Variants in CYP3A43 observed in about 807,000 individuals in gnomAD.
CYP3A43 encodes cytochrome P450 3A43.
Under a neutral mutation model 58.0 loss-of-function variants are expected in CYP3A43, and 45 were observed. The observed-to-expected ratio is 0.78, with a 90% CI of 0.61 to 0.99. The LOEUF (loss-of-function observed/expected upper bound fraction) is 0.99. Among genes scored for constraint, CYP3A43 ranks in the 50% least tolerant of loss-of-function variants. The pLI is 0.00. For missense variants in CYP3A43, 593 were observed against 591.9 expected (o/e 1.00, Z -0.02); for synonymous variants, 191 against 201.4 (o/e 0.95, Z 0.44).
At chr7:99,834,402 C>T (rs1816979307) in intron 1 of CYP3A43, among the ~76,000 whole-genome samples, 2 of 152,094 alleles carry the variant, frequency 1.3e-5, no homozygotes, top group African/African-American at 4.8e-5. Flanking sequence ...TGTGATTATG[C>T]CTCTTCTAGT....
chr7:99,865,834 CT>C, intron 12 of CYP3A43, 71 bp from the exon 13 acceptor site: 1 of 1,136,538 alleles, frequency 8.8e-7, no homozygotes. Flanking sequence ...TTGATGTCAT[CT>C]TTTTTATTTT....
intron 1 of CYP3A43, among the ~76,000 whole-genome samples, chr7:99,835,327 G>T (rs990579427): frequency 6.6e-6 from 1 of 152,190 alleles, no homozygotes. Flanking sequence ...GTTACAGTCT[G>T]GGCATCCGAT....
At chr7:99,846,998 C>T (rs1817562438) in intron 4 of CYP3A43, among the ~76,000 whole-genome samples, 1 of 152,070 alleles carries the variant, frequency 6.6e-6, no homozygotes, top group African/African-American at 2.4e-5. Flanking sequence ...TAGTCTTTTG[C>T]TTATTACTAA....
In CYP3A43 at chr7:99,849,695, G is replaced by A. The variant is rs1156344087; in HGVS notation, c.670+1G>A. The A allele has an allele frequency of 1.3e-6, 2 of 1,579,326 alleles. No individual in the cohort carries two copies. Among genetic ancestry groups the A allele is most frequent in the Non-Finnish European group, 1.7e-6 (2 of 1,168,410 alleles). On this transcript the variant is annotated splice_donor_variant, in intron 7 of 12. Coordinates refer to ENST00000354829, the MANE Select transcript of CYP3A43 (RefSeq NM_057095.3). LOFTEE classifies it high-confidence loss of function. ...TTGGATCCCTTTTTACTCTTAATAT[G>A]TATGTGGACTTTTATGTTATTTCTC...
At chr7:99,856,804 G>C in intron 8 of CYP3A43, 29 bp from the exon 9 acceptor site, 1 of 1,613,374 alleles carries the variant, frequency 6.2e-7, no homozygotes, top group Non-Finnish European at 8.5e-7. Context: ...GTGACTTTCT[G>C]TCATTAAAAT....
chr7:99,859,126 G>A (rs1433388183), intron 9 of CYP3A43, among the ~76,000 whole-genome samples: 1 of 152,126 alleles, frequency 6.6e-6, no homozygotes, highest in Non-Finnish European at 1.5e-5. Context: ...ATTACTTGAT[G>A]TCACTCAAAG....
chr7:99,837,419 A>G (rs1817142830), intron 2 of CYP3A43, among the ~76,000 whole-genome samples: 1 of 152,216 alleles, frequency 6.6e-6, no homozygotes, highest in Non-Finnish European at 1.5e-5. Context: ...AATTCTCTCA[A>G]GAACTGTTAA....
At chr7:99,847,680 T>C in intron 5 of CYP3A43, 79 bp downstream of exon 5, 2 of 1,589,500 alleles carry the variant, frequency 1.3e-6, no homozygotes, top group East Asian at 2.3e-5. Flanking sequence ...TCATAGTTCC[T>C]TTCTAATGGG....
chr7:99,844,309 C>T (rs1162407897), intron 4 of CYP3A43, 67 bp downstream of exon 4: 2 of 1,494,398 alleles, frequency 1.3e-6, no homozygotes, highest in Non-Finnish European at 1.8e-6. Context: ...TTCATGGAAA[C>T]TTGCCCAGAA....
At chr7:99,834,250 T>G (rs1816970323) in intron 1 of CYP3A43, among the ~76,000 whole-genome samples, 1 of 152,134 alleles carries the variant, frequency 6.6e-6, no homozygotes, top group Admixed American at 6.5e-5. Flanking sequence ...CAGTTGAGCA[T>G]ATAGATGGGG....
chr7:99,845,306 CT>C (rs1234807684), intron 4 of CYP3A43, among the ~76,000 whole-genome samples: 3 of 151,492 alleles, frequency 2.0e-5, no homozygotes, highest in African/African-American at 7.3e-5. Flanking sequence ...CTGTGCATCT[CT>C]TTTTTTTCTT....
chr7:99,839,056 G>T, intron 2 of CYP3A43, 64 bp from the exon 3 acceptor site: 1 of 1,594,382 alleles, frequency 6.3e-7, no homozygotes, highest in Non-Finnish European at 8.6e-7. Flanking sequence ...TTTTTGCCCT[G>T]GTTAAATGTA....
intron 2 of CYP3A43, chr7:99,838,885 C>A: frequency 1.8e-6 from 1 of 565,248 alleles, no homozygotes; most frequent in Non-Finnish European, 3.0e-6. Context: ...GAGGCTGAGG[C>A]AGGAGAAGAG....
intron 9 of CYP3A43, among the ~76,000 whole-genome samples, chr7:99,858,447 G>A (rs188940364): frequency 1.3e-5 from 2 of 152,172 alleles, no homozygotes; most frequent in Admixed American, 6.5e-5. Context: ...ACTGTGCTAA[G>A]CTTTTCTTGG....
intron 3 of CYP3A43, among the ~76,000 whole-genome samples, chr7:99,843,408 G>A (rs1817418600): frequency 6.6e-6 from 1 of 152,062 alleles, no homozygotes; most frequent in Non-Finnish European, 1.5e-5. Flanking sequence ...TTAACAAGAA[G>A]ATAAAAGAAG....
At chr7:99,855,794 C>A in intron 8 of CYP3A43, 76 bp downstream of exon 8, 1 of 1,462,588 alleles carries the variant, frequency 6.8e-7, no homozygotes, top group Non-Finnish European at 9.2e-7. Flanking sequence ...ACGATTTGTG[C>A]ACTTATCTGT....
At chr7:99,830,849 G>A (rs891707055) in intron 1 of CYP3A43, among the ~76,000 whole-genome samples, 1 of 152,144 alleles carries the variant, frequency 6.6e-6, no homozygotes, top group Admixed American at 6.5e-5. Flanking sequence ...TCATTTCTCA[G>A]ACTCAAATAT....
intron 1 of CYP3A43, 45 bp from the exon 2 acceptor site, chr7:99,836,408 T>C (rs1333869891): frequency 6.5e-7 from 1 of 1,534,542 alleles, no homozygotes; most frequent in Admixed American, 1.7e-5. Flanking sequence ...CCCTTATCTA[T>C]AAAGTTACAA....
At chr7:99,855,463 C>T in intron 7 of CYP3A43, 128 bp from the exon 8 acceptor site, 2 of 1,226,440 alleles carry the variant, frequency 1.6e-6, no homozygotes, top group Non-Finnish European at 2.2e-6. Context: ...GGGCAAAGGT[C>T]ATACAGGAAA....
Sources: allele counts gnomAD v4.1 joint callset (sites outside exome capture counted in the v4.1 genomes callset), GRCh38; gene constraint gnomAD v4.1.1; transcripts MANE v1.5; gene names NCBI Gene and HGNC (gene_info 2026-07-23, HGNC 2026-07-21).